Variants in FMN1 observed in about 807,000 individuals in gnomAD.
FMN1 encodes the protein formin 1, also known as formin-1.
In FMN1, 110 loss-of-function variants were observed where a neutral mutation model predicts 132.4. The ratio of observed to expected loss-of-function variants is 0.83; its 90% confidence interval spans 0.71 to 0.97. The LOEUF is 0.97. Among genes scored for constraint, FMN1 ranks in the 50% least tolerant of loss-of-function variants. The pLI, the probability that FMN1 is intolerant of heterozygous loss-of-function variation, is 0.00. For missense variants in FMN1, 1,792 were observed against 1,705.3 expected, an observed-to-expected ratio of 1.05 and a Z score of -0.90; for synonymous variants, 722 against 651.7, an observed-to-expected ratio of 1.11 and a Z score of -1.64.
chr15:33,009,740 G>C (rs1269833640), intron 6 of FMN1, among the ~76,000 whole-genome samples: 1 of 152,132 alleles, frequency 6.6e-6, no homozygotes, highest in Non-Finnish European at 1.5e-5. Flanking sequence ...ACATTAAGTA[G>C]CTTGATCAAG....
At chr15:32,866,934 T>C (rs778312388) in intron 16 of FMN1, among the ~76,000 whole-genome samples, 9 of 152,118 alleles carry the variant, frequency 5.9e-5, no homozygotes, top group Non-Finnish European at 1.2e-4. Context: ...CTATACAGAG[T>C]CATTAAACGT....
intron 9 of FMN1, among the ~76,000 whole-genome samples, chr15:32,932,027 A>G (rs1005336975): frequency 6.6e-6 from 1 of 152,178 alleles, no homozygotes; most frequent in African/African-American, 2.4e-5. Flanking sequence ...ATAAATATTC[A>G]TATGTTGAAC....
At chr15:33,177,798 A>T (rs1965564581) in intron 3 of FMN1, among the ~76,000 whole-genome samples, 1 of 152,210 alleles carries the variant, frequency 6.6e-6, no homozygotes, top group South Asian at 2.1e-4. Flanking sequence ...TGAGGTCAGG[A>T]GTTCGAGACC....
At chr15:32,774,806 T>C (rs1444317042) in intron 20 of FMN1, among the ~76,000 whole-genome samples, 1 of 152,062 alleles carries the variant, frequency 6.6e-6, no homozygotes, top group Non-Finnish European at 1.5e-5. Context: ...CCATGCAAAA[T>C]GGGAGATGAC....
intron 6 of FMN1, chr15:33,012,640 G>C (rs1310272925): frequency 2.2e-6 from 2 of 912,690 alleles, no homozygotes; most frequent in Non-Finnish European, 3.6e-6. Flanking sequence ...CCACAACTGT[G>C]AAGGTAGGAA....
intron 17 of FMN1, among the ~76,000 whole-genome samples, chr15:32,847,992 G>A (rs985917652): frequency 6.6e-6 from 1 of 152,090 alleles, no homozygotes; most frequent in East Asian, 1.9e-4. Context: ...TTTAAAGGAT[G>A]GTCTGTGTCG....
chr15:33,016,704 G>T lies in FMN1; in HGVS notation c.2162-8629C>A, dbSNP rs188701755. Among the ~76,000 whole-genome samples the T allele has an allele frequency of 3.1e-3, 473 of 152,278 alleles. 1 individual carries two copies. The highest frequency in any genetic ancestry group is 0.015 in the South Asian group (72 of 4,820). ...AGCACACACGTCAGCAAAAGCACAG[G>T]AAGAGATCTAACTCCACTGTTTGAT... On this transcript the variant is annotated intron_variant, in intron 6 of 20. Coordinates refer to ENST00000616417, the MANE Select transcript of FMN1 (RefSeq NM_001277313.2).
At chr15:33,071,858 T>C (rs190049315) in intron 5 of FMN1, among the ~76,000 whole-genome samples, 1 of 152,336 alleles carries the variant, frequency 6.6e-6, no homozygotes, top group African/African-American at 2.4e-5. Flanking sequence ...AATGAATCTC[T>C]TTAAAGCTTT....
intron 3 of FMN1, among the ~76,000 whole-genome samples, chr15:33,172,317 G>T (rs1299575706): frequency 6.6e-6 from 1 of 152,232 alleles, no homozygotes; most frequent in Non-Finnish European, 1.5e-5. Context: ...GAGGTGGAAT[G>T]GGTGGACTTT....
intron 19 of FMN1, 119 bp downstream of exon 19, chr15:32,798,685 T>A: frequency 1.0e-6 from 1 of 957,940 alleles, no homozygotes; most frequent in Non-Finnish European, 1.5e-6. Flanking sequence ...CCTTCCCCTA[T>A]GACCACTTCA....
intron 17 of FMN1, among the ~76,000 whole-genome samples, chr15:32,853,775 G>A (rs1246415980): frequency 2.6e-5 from 4 of 152,222 alleles, no homozygotes; most frequent in Non-Finnish European, 4.4e-5. Context: ...GTAGCATGCT[G>A]TCACCTCCTT....
rs1383583425 is a variant in FMN1, at chr15:33,153,048, C to T, written c.1867G>A (p.Gly623Ser). The change falls in exon 4 of 21, where the codon GGT becomes AGT. Residue 623 changes from glycine to serine, a missense_variant and splice_region_variant. This residue lies in a region of FMN1 where 1,150 missense variants were observed against 1,043.1 expected (regional missense o/e 1.10). Coordinates refer to ENST00000616417, the MANE Select transcript of FMN1 (RefSeq NM_001277313.2). ...CAAAGCATCTTAAACAGAGACTAAC[C>T]TGGAGGTGACTGGTGCTGGGGCTCA... ...TAEPQHQSPP[G>S]ISSEGFPWDG... 15 of 1,516,230 alleles carry T rather than the reference C, an allele frequency of 9.9e-6. No individual in the cohort carries two copies. 93.9% of individuals were successfully genotyped at this position (1,516,230 alleles called of 1,614,324 possible). A position where few individuals can be genotyped will look rare whatever the true frequency, so the allele number is the denominator to read the frequency against.
intron 17 of FMN1, among the ~76,000 whole-genome samples, chr15:32,828,022 G>A (rs1236961144): frequency 6.6e-6 from 1 of 152,184 alleles, no homozygotes; most frequent in Non-Finnish European, 1.5e-5. Context: ...GCTGGGTGTG[G>A]TGGCTCATGC....
chr15:32,912,084 C>G (rs1297390648), intron 10 of FMN1, among the ~76,000 whole-genome samples: 5 of 152,164 alleles, frequency 3.3e-5, no homozygotes, highest in Admixed American at 3.3e-4. Flanking sequence ...AAACAATAAT[C>G]TACCAAAAAT....
chr15:32,972,818 T>A (rs554902703), intron 7 of FMN1, among the ~76,000 whole-genome samples: 2 of 152,316 alleles, frequency 1.3e-5, no homozygotes, highest in South Asian at 2.1e-4. Flanking sequence ...ATTAATCTAC[T>A]TAAATATTTA....
chr15:33,117,018 A>T (rs1409734530), intron 4 of FMN1, among the ~76,000 whole-genome samples: 1 of 152,174 alleles, frequency 6.6e-6, no homozygotes, highest in Non-Finnish European at 1.5e-5. Flanking sequence ...TGTGGCACTG[A>T]CCCAAATTTC....
At chr15:33,178,234 GAC>G (rs1315168420) in intron 3 of FMN1, among the ~76,000 whole-genome samples, 1 of 152,110 alleles carries the variant, frequency 6.6e-6, no homozygotes, top group Non-Finnish European at 1.5e-5. Flanking sequence ...TGAGACCCAG[GAC>G]ACAGTCACCG....
chr15:32,986,497 G>A (rs1038377478), intron 7 of FMN1, among the ~76,000 whole-genome samples: 1 of 152,042 alleles, frequency 6.6e-6, no homozygotes, highest in Non-Finnish European at 1.5e-5. Context: ...TCTTCTTTGT[G>A]TAAACATAGA....
chr15:32,986,298 T>C (rs1783352997), intron 7 of FMN1, among the ~76,000 whole-genome samples: 2 of 152,158 alleles, frequency 1.3e-5, no homozygotes, highest in Admixed American at 1.3e-4. Context: ...TAAGCTTATA[T>C]GCTTGAAAAC....
Sources: allele counts gnomAD v4.1 joint callset (sites outside exome capture counted in the v4.1 genomes callset), GRCh38; gene constraint gnomAD v4.1.1; regional missense constraint gnomAD v4.1.1; transcripts MANE v1.5; gene names NCBI Gene and HGNC (gene_info 2026-07-23, HGNC 2026-07-21).